RSBN1: variants seen among roughly 807,000 people sequenced by gnomAD.
The protein encoded by RSBN1 is round spermatid basic protein 1, also known as lysine-specific demethylase 9.
In RSBN1, 23 loss-of-function variants were observed where a neutral mutation model predicts 74.8. That is an observed-to-expected ratio of 0.31 (90% confidence interval 0.22 to 0.44). The LOEUF is 0.44. Ranked by LOEUF, RSBN1 falls within the 20% of genes least tolerant of loss-of-function variation. The pLI is 1.00. For missense variants in RSBN1, 808 were observed against 1,020.9 expected, an observed-to-expected ratio of 0.79 and a Z score of 2.84; for synonymous variants, 407 against 379.6, an observed-to-expected ratio of 1.07 and a Z score of -0.84.
At chr1:113,771,810 CAAAAAAAAAAAA>C (rs71779986) in intron 4 of RSBN1, among the ~76,000 whole-genome samples, 3 of 75,346 alleles carry the variant, frequency 4.0e-5, no homozygotes, top group African/African-American at 6.0e-5. Context: ...GTTCCTACCT[CAAAAAAAAAAAA>C]AAAAAAAAGG....
intron 2 of RSBN1, among the ~76,000 whole-genome samples, chr1:113,795,691 A>G (rs1303487921): frequency 6.6e-6 from 1 of 152,230 alleles, no homozygotes; most frequent in Non-Finnish European, 1.5e-5. Context: ...GTAAGTATCA[A>G]GGTAAGTTGT....
intron 4 of RSBN1, among the ~76,000 whole-genome samples, chr1:113,769,514 T>C (rs1233388742): frequency 1.3e-5 from 2 of 152,196 alleles, no homozygotes; most frequent in African/African-American, 4.8e-5. Flanking sequence ...CAGCTGTTGA[T>C]TGTATATTAA....
Position 113,792,541 on chromosome 1 carries a change from A to C in RSBN1, c.1377+4822T>G, listed in dbSNP as rs180906660. Among the ~76,000 whole-genome samples, 18 of 152,240 alleles carry C rather than the reference A, an allele frequency of 1.2e-4. No individual in the cohort carries two copies. The East Asian group carries it at 2.3e-3, about 20-fold the overall frequency. On this transcript the variant is annotated intron_variant, in intron 2 of 6. Transcript: ENST00000261441. ...GACATAGTGAGACTCTGGCTCTATA[A>C]AAAAATTTTTAAATTAGCCAATTGT...
chr1:113,772,025 C>A (rs566712040), intron 4 of RSBN1, among the ~76,000 whole-genome samples: 2 of 152,098 alleles, frequency 1.3e-5, no homozygotes, highest in East Asian at 1.9e-4. Context: ...GATGCTTTTG[C>A]ATATTCTTCC....
chr1:113,785,961 T>A (rs1660235168), intron 2 of RSBN1, among the ~76,000 whole-genome samples: 2 of 152,208 alleles, frequency 1.3e-5, no homozygotes, highest in African/African-American at 4.8e-5. Context: ...GTTACCCAAT[T>A]TGCCTTTGGT....
intron 2 of RSBN1, among the ~76,000 whole-genome samples, chr1:113,778,219 T>C (rs951275389): frequency 1.1e-4 from 16 of 152,014 alleles, no homozygotes; most frequent in Non-Finnish European, 2.1e-4. Context: ...TTGTACTCCC[T>C]AGCTTCAAAG....
At chr1:113,799,021 A>G (rs1204550960) in intron 1 of RSBN1, among the ~76,000 whole-genome samples, 2 of 152,104 alleles carry the variant, frequency 1.3e-5, no homozygotes, top group Non-Finnish European at 1.5e-5. Flanking sequence ...TTAACATTTC[A>G]TTTTACACCC....
At chr1:113,777,097 A>G (rs1461159095) in intron 4 of RSBN1, 113 bp downstream of exon 4, 3 of 935,798 alleles carry the variant, frequency 3.2e-6, no homozygotes, top group Non-Finnish European at 4.7e-6. Flanking sequence ...ACCGACAACT[A>G]AAACATTTAC....
intron 2 of RSBN1, among the ~76,000 whole-genome samples, chr1:113,793,988 G>A (rs767554028): frequency 1.3e-5 from 2 of 152,012 alleles, no homozygotes; most frequent in Admixed American, 1.3e-4. Context: ...ATTTCTAACC[G>A]TAAATTCCCA....
chr1:113,802,970 A>T (rs543117878), intron 1 of RSBN1, among the ~76,000 whole-genome samples: 1 of 152,268 alleles, frequency 6.6e-6, no homozygotes, highest in Non-Finnish European at 1.5e-5. Context: ...GAGTAGTTTC[A>T]CTGTCCTATA....
At chr1:113,808,568 T>C (rs1660764086) in intron 1 of RSBN1, among the ~76,000 whole-genome samples, 1 of 152,098 alleles carries the variant, frequency 6.6e-6, no homozygotes, top group South Asian at 2.1e-4. Context: ...AGCCAAAAAC[T>C]AGAAATAATC....
intron 2 of RSBN1, among the ~76,000 whole-genome samples, chr1:113,782,679 T>G (rs1257777608): frequency 3.3e-5 from 5 of 152,244 alleles, no homozygotes; most frequent in African/African-American, 1.2e-4. Flanking sequence ...TGGAATTGCT[T>G]GGTCATGTGG....
intron 2 of RSBN1, among the ~76,000 whole-genome samples, chr1:113,790,396 A>G (rs1660341067): frequency 6.6e-6 from 1 of 152,220 alleles, no homozygotes. Context: ...TAGCAGGCTA[A>G]GGGATGGTAT....
At chr1:113,790,420 AGACAAATTAGCCT>A (rs1660341629) in intron 2 of RSBN1, among the ~76,000 whole-genome samples, 2 of 152,238 alleles carry the variant, frequency 1.3e-5, no homozygotes, top group African/African-American at 4.8e-5. Flanking sequence ...TAACACAAGT[AGACAAATTAGCCT>A]GACAAATTAG....
At chr1:113,809,289 A>G (rs1660780692) in intron 1 of RSBN1, among the ~76,000 whole-genome samples, 1 of 152,196 alleles carries the variant, frequency 6.6e-6, no homozygotes, top group South Asian at 2.1e-4. Flanking sequence ...TATAAATGAA[A>G]TACCACAACC....
rs371872764 is a variant in RSBN1 at position 113,797,703 on chromosome 1, C to G, written c.1037G>C (p.Arg346Pro). The stretch of plus-strand genomic sequence containing the variant: ...AGTACCTGTTTTTAAGAAATTTCTA[C>G]GAATAGAATGTTCCTGGTGAGTCAT... ...PFMTHQEHSIRRNFLKTGTKF... is the reference protein window; with the variant it reads ...PFMTHQEHSIPRNFLKTGTKF... The change falls in exon 2 of 7, where the codon CGT becomes CCT. Residue 346 changes from arginine to proline, a missense_variant. Physicochemically the swap from Arg to Pro is moderately radical, Grantham distance 103 (BLOSUM62 -2). Around this residue, in one of 6 missense-constraint regions of RSBN1, gnomAD observed 85 missense variants for 126.2 expected, o/e 0.67. Coordinates refer to ENST00000261441, the MANE Select transcript of RSBN1 (RefSeq NM_018364.5). 6.2e-7 allele frequency: 1 copy of G among 1,613,940 alleles called. No individual in the cohort carries two copies. The highest frequency in any genetic ancestry group is 8.5e-7 in the Non-Finnish European group (1 of 1,179,982).
chr1:113,768,205 G>A lies in RSBN1; in HGVS notation c.1826+17C>T, dbSNP rs1398104945. The A allele has an allele frequency of 6.3e-7, 1 of 1,588,502 alleles. No individual in the cohort carries two copies. Among genetic ancestry groups the A allele is most frequent in the South Asian group, 1.1e-5 (1 of 87,834 alleles). On this transcript the variant is annotated intron_variant, in intron 5 of 6. Transcript: ENST00000261441. ...TACAATATTAACCAACCTTGCAGTT[G>A]AGTTCAATTAACTCACCATTCACCA...
At chr1:113,770,806 C>A (rs1287736598) in intron 4 of RSBN1, among the ~76,000 whole-genome samples, 1 of 151,410 alleles carries the variant, frequency 6.6e-6, no homozygotes, top group African/African-American at 2.4e-5. Flanking sequence ...TTTTAAAACA[C>A]CAAAGAAAGG....
At chr1:113,794,954 T>C (rs1660442103) in intron 2 of RSBN1, among the ~76,000 whole-genome samples, 2 of 152,234 alleles carry the variant, frequency 1.3e-5, no homozygotes, top group African/African-American at 2.4e-5. Flanking sequence ...CCAATAACTA[T>C]GTCTCTAAAG....
Sources: allele counts gnomAD v4.1 joint callset (sites outside exome capture counted in the v4.1 genomes callset), GRCh38; gene constraint gnomAD v4.1.1; regional missense constraint gnomAD v4.1.1; transcripts MANE v1.5; gene names NCBI Gene and HGNC (gene_info 2026-07-23, HGNC 2026-07-21).